NIPBL: variants seen among roughly 807,000 people sequenced by gnomAD.
NIPBL encodes nipped-B-like protein.
NIPBL carries 19 observed loss-of-function variants against 321.8 expected under a neutral mutation model. That is an observed-to-expected ratio of 0.06 (90% CI 0.04 to 0.09). The LOEUF (loss-of-function observed/expected upper bound fraction) is 0.09. Ranked by LOEUF, NIPBL falls within the 10% of genes least tolerant of loss-of-function variation. NIPBL has a pLI of 1.00. For missense variants in NIPBL, 2,210 were observed against 3,327.0 expected (o/e 0.66, Z 8.26); for synonymous variants, 1,106 against 1,114.1 (o/e 0.99, Z 0.14).
intron 1 of NIPBL, among the ~76,000 whole-genome samples, chr5:36,894,285 C>T (rs1746562856): frequency 6.6e-6 from 1 of 152,022 alleles, no homozygotes; most frequent in Non-Finnish European, 1.5e-5. Flanking sequence ...ATGATAAGTA[C>T]TCCTTAGTAA....
intron 1 of NIPBL, among the ~76,000 whole-genome samples, chr5:36,918,040 G>GT (rs1184050637): frequency 6.6e-6 from 1 of 152,128 alleles, no homozygotes; most frequent in Non-Finnish European, 1.5e-5. Context: ...CTTTAAAGTA[G>GT]TTTTTTCCAA....
chr5:36,953,829 C>G, intron 2 of NIPBL, 69 bp downstream of exon 2: 5 of 1,310,198 alleles, frequency 3.8e-6, no homozygotes, highest in South Asian at 3.5e-5. Flanking sequence ...AGTGACTGTT[C>G]TAAAAATTAT....
chr5:36,880,072 A>G (rs980311371), intron 1 of NIPBL, among the ~76,000 whole-genome samples: 3 of 152,074 alleles, frequency 2.0e-5, no homozygotes, highest in Non-Finnish European at 4.4e-5. Flanking sequence ...TGTAAAGTGA[A>G]AGTTTTTACT....
chr5:36,931,542 TC>T (rs1749777475), intron 1 of NIPBL, among the ~76,000 whole-genome samples: 1 of 152,066 alleles, frequency 6.6e-6, no homozygotes, highest in Non-Finnish European at 1.5e-5. Flanking sequence ...GCTCTCGAAC[TC>T]CTGGACTCAA....
In NIPBL at chr5:36,975,911, A is replaced by C. The variant is rs1743388549; in HGVS notation, c.1004A>C (p.Glu335Ala). The C allele has an allele frequency of 1.2e-6, 2 of 1,613,036 alleles. No homozygotes were observed. Among genetic ancestry groups the C allele is most frequent in the Admixed American group, 3.3e-5 (2 of 59,884 alleles). The change falls in exon 9 of 47, where the codon GAA (glutamate) becomes GCA (alanine). Residue 335 changes from glutamate (E) to alanine (A), a missense_variant. This residue lies in a region of NIPBL where 464 missense variants were observed against 529.5 expected (regional missense o/e 0.88). Coordinates refer to ENST00000282516, the MANE Select transcript of NIPBL (RefSeq NM_133433.4). ...AAGAAAATGAAATTAGGCAAGGATG[A>C]AAAAGAGCAGAGTGAGAAAGCGGCA... ...KQKKMKLGKD[E>A]KEQSEKAAMY...
Position 36,985,631 on chromosome 5 carries a change from C to A in NIPBL, c.2451C>A (p.Asp817Glu), listed in dbSNP as rs587783903. 1 of 1,613,832 alleles carries A rather than the reference C, an allele frequency of 6.2e-7. No homozygotes were observed. The highest frequency in any genetic ancestry group is 8.5e-7 in the Non-Finnish European group (1 of 1,179,936). The change falls in exon 10 of 47, where the codon GAC (aspartate) becomes GAA (glutamate). Residue 817 changes from aspartate (D) to glutamate (E), a missense_variant. Transcript: ENST00000282516. Reference protein sequence around the residue: ...GRSVSESLRRDHDNKQKSDDR... With the variant: ...GRSVSESLRREHDNKQKSDDR... ...CTGTTTCTGAGTCACTAAGACGTGACCATGATAATAAACAAAAATCAGATG... is the reference window on the plus strand; with the variant it reads ...CTGTTTCTGAGTCACTAAGACGTGAACATGATAATAAACAAAAATCAGATG...
chr5:36,886,220 A>C (rs1036748617), intron 1 of NIPBL: 2 of 659,526 alleles, frequency 3.0e-6, no homozygotes, highest in East Asian at 5.9e-5. Context: ...GAGCAGCTCA[A>C]CAGAATCCTG....
chr5:36,984,545 A>G lies in NIPBL; in HGVS notation c.1496-131A>G, dbSNP rs545607368. The G allele has an allele frequency of 2.2e-4, 160 of 719,810 alleles. 1 individual carries two copies. Among genetic ancestry groups the G allele is most frequent in the Admixed American group, 1.4e-3 (46 of 33,604 alleles). 44.6% of individuals were successfully genotyped at this position (719,810 alleles called of 1,614,324 possible). On this transcript the variant is annotated intron_variant, in intron 9 of 46. Transcript: ENST00000282516. ...CATTCATGCTTACTATTTTATGTGT[A>G]CATATTTGCATTTGCATTTTACTCC...
chr5:36,986,227 T>A lies in NIPBL; in HGVS notation c.3047T>A (p.Leu1016His). The change falls in exon 10 of 47, where the codon CTT (leucine) becomes CAT (histidine). Residue 1016 changes from leucine to histidine, a missense_variant. Transcript: ENST00000282516. ...CTGTCTTTGGATGATGTTCAGAAAC[T>A]TATTAAAGATAGAGAGGACAAATCA... ...QKLSLDDVQK[L>H]IKDREDKSRS... is the part of the protein sequence containing the mutation. The A allele has an allele frequency of 6.3e-7, 1 of 1,586,398 alleles. No individual in the cohort carries two copies.
In NIPBL at chr5:36,996,342, T is replaced by G. The variant is rs964510667; in HGVS notation, c.3304+538T>G. 4.5e-6 allele frequency: 2 copies of G among 448,010 alleles called. No individual in the cohort carries two copies. The highest frequency in any genetic ancestry group is 9.0e-6 in the Non-Finnish European group (2 of 222,672). The allele number at this position is 448,010 out of a possible 1,614,324, so 27.8% of individuals were successfully genotyped here. A position where few individuals can be genotyped will look rare whatever the true frequency, so the allele number is the denominator to read the frequency against. On this transcript the variant is annotated intron_variant, in intron 11 of 46. Coordinates refer to ENST00000282516, the MANE Select transcript of NIPBL (RefSeq NM_133433.4). The surrounding 1 kb of genome is among the most constrained non-coding windows in gnomAD (Gnocchi z 5.0). Reference sequence around the variant, plus strand: ...AGGAGATAGCCAGATGAAGAAATATTTAAAACCATACTATCACTAAATTAT... The same window carrying G: ...AGGAGATAGCCAGATGAAGAAATATGTAAAACCATACTATCACTAAATTAT...
At chr5:36,908,868 G>A (rs1487843893) in intron 1 of NIPBL, among the ~76,000 whole-genome samples, 1 of 152,116 alleles carries the variant, frequency 6.6e-6, no homozygotes, top group Non-Finnish European at 1.5e-5. Flanking sequence ...TAAGGAACAA[G>A]GTAAAGGAAT....
intron 1 of NIPBL, among the ~76,000 whole-genome samples, chr5:36,889,584 A>T (rs972236592): frequency 4.6e-5 from 7 of 152,198 alleles, no homozygotes; most frequent in Admixed American, 3.9e-4. Flanking sequence ...ATTTACAATA[A>T]GCTTGTAACT....
chr5:37,018,902 A>T (rs554924326), intron 24 of NIPBL, among the ~76,000 whole-genome samples: 2 of 152,254 alleles, frequency 1.3e-5, no homozygotes, highest in South Asian at 4.1e-4. Context: ...CAGGAGTTCG[A>T]GATCAGCTTA....
chr5:36,877,381 G>T (rs546914124), intron 1 of NIPBL, among the ~76,000 whole-genome samples: 3 of 152,310 alleles, frequency 2.0e-5, no homozygotes, highest in Admixed American at 1.3e-4. Flanking sequence ...GGCTCCGGTG[G>T]CGGGGACTGG....
chr5:36,976,642 T>C lies in NIPBL; in HGVS notation c.1495+240T>C, dbSNP rs184578029. 3.6e-3 allele frequency among the ~76,000 whole-genome samples: 543 copies of C among 152,256 alleles called. 3 individuals are homozygous for C. The highest frequency in any genetic ancestry group is 6.0e-3 in the Non-Finnish European group (409 of 67,998). The stretch of plus-strand genomic sequence containing the variant: ...TACTACAGGTCTGTTACTCATTATG[T>C]ACTATATGATTTTACTTATTTGTGC... On this transcript the variant is annotated intron_variant, in intron 9 of 46. Transcript: ENST00000282516.
intron 1 of NIPBL, among the ~76,000 whole-genome samples, chr5:36,919,173 A>G (rs1204438504): frequency 6.6e-6 from 1 of 152,114 alleles, no homozygotes; most frequent in East Asian, 1.9e-4. Flanking sequence ...CCAGGTTTTT[A>G]TGCTGCTAAG....
At chr5:36,903,117 G>A (rs1010248730) in intron 1 of NIPBL, among the ~76,000 whole-genome samples, 1 of 152,112 alleles carries the variant, frequency 6.6e-6, no homozygotes, top group Non-Finnish European at 1.5e-5. Flanking sequence ...ACTTCGTTTT[G>A]TATCCTGAAA....
chr5:36,881,275 T>C (rs1050766384), intron 1 of NIPBL, among the ~76,000 whole-genome samples: 1 of 151,190 alleles, frequency 6.6e-6, no homozygotes, highest in Non-Finnish European at 1.5e-5. Flanking sequence ...AAAGTAATTT[T>C]AGGTATTTGT....
intron 1 of NIPBL, among the ~76,000 whole-genome samples, chr5:36,897,888 GAAA>G (rs34089902): frequency 2.1e-4 from 20 of 96,776 alleles, no homozygotes; most frequent in Non-Finnish European, 3.4e-4. Context: ...GTCATACAGG[GAAA>G]AAAAAAAAAA....
Sources: allele counts gnomAD v4.1 joint callset (sites outside exome capture counted in the v4.1 genomes callset), GRCh38; gene constraint gnomAD v4.1.1; regional missense constraint gnomAD v4.1.1; non-coding constraint Gnocchi (gnomAD v3.1); transcripts MANE v1.5; gene names NCBI Gene and HGNC (gene_info 2026-07-23, HGNC 2026-07-21).